Variants in LPA observed in about 807,000 individuals in gnomAD.
The protein encoded by LPA is lipoprotein(a), also known as apolipoprotein(a).
A neutral mutation model predicts 197.9 loss-of-function variants in LPA; 199 were observed. That is an observed-to-expected ratio of 1.01 (90% CI 0.90 to 1.13). The LOEUF (loss-of-function observed/expected upper bound fraction) is 1.13, where lower values mean the gene tolerates loss of function less well. Among genes scored for constraint, LPA ranks in the 50% most tolerant of loss-of-function variants. LPA has a pLI of 0.00. For missense variants in LPA, 1,853 were observed against 1,785.8 expected (o/e 1.04, Z -0.68); for synonymous variants, 715 against 639.5 (o/e 1.12, Z -1.78).
chr6:160,582,872 G>A (rs1004390329), intron 26 of LPA, among the ~76,000 whole-genome samples: 2 of 152,062 alleles, frequency 1.3e-5, no homozygotes, highest in Admixed American at 1.3e-4. Context: ...TTGAGGCTCT[G>A]TTTATCTTCT....
At chr6:160,587,742 G>A (rs1778938153) in intron 24 of LPA, among the ~76,000 whole-genome samples, 1 of 137,810 alleles carries the variant, frequency 7.3e-6, no homozygotes, top group African/African-American at 2.8e-5. Flanking sequence ...TGATTAATAG[G>A]TTCAGTCTTT....
intron 18 of LPA, among the ~76,000 whole-genome samples, chr6:160,601,391 T>C (rs13192132): frequency 0.3 from 45,758 of 152,100 alleles, 7,719 homozygotes; most frequent in East Asian, 0.42. Flanking sequence ...ATCCTCCTTC[T>C]GCCTTCTGCC....
In LPA at chr6:160,580,945, A is replaced by T. The variant is rs192495581; in HGVS notation, c.4290-2241T>A. ...CACATTATCATTTGTTTTCTTTTACAGTTAGTGTTTTCTGGTTCTTCCCTC... is the reference window on the plus strand; with the variant it reads ...CACATTATCATTTGTTTTCTTTTACTGTTAGTGTTTTCTGGTTCTTCCCTC... On this transcript the variant is annotated intron_variant, in intron 26 of 38. Coordinates refer to ENST00000316300, the MANE Select transcript of LPA (RefSeq NM_005577.4). Among the ~76,000 whole-genome samples the T allele has an allele frequency of 7.2e-5, 11 of 152,186 alleles. No individual in the cohort carries two copies. In the East Asian group the frequency reaches 1.9e-3, roughly 27 times the overall value.
intron 27 of LPA, among the ~76,000 whole-genome samples, chr6:160,577,851 G>C (rs1265349525): frequency 6.6e-6 from 1 of 152,186 alleles, no homozygotes; most frequent in Non-Finnish European, 1.5e-5. Flanking sequence ...GAATCTTCTA[G>C]TGCCCAGAGT....
chr6:160,557,679 T>G (rs2115012527), intron 28 of LPA, 108 bp from the exon 29 acceptor site: 1 of 944,822 alleles, frequency 1.1e-6, no homozygotes, highest in South Asian at 1.4e-5. Flanking sequence ...GACGTTGTAA[T>G]ATTCCCATTT....
chr6:160,654,511 G>A (rs969672612), intron 1 of LPA, among the ~76,000 whole-genome samples: 5 of 151,910 alleles, frequency 3.3e-5, no homozygotes, highest in Non-Finnish European at 7.4e-5. Context: ...ACCATCACAA[G>A]TCCAACTCCT....
chr6:160,590,496 G>C (rs1334596761), intron 23 of LPA, among the ~76,000 whole-genome samples: 2 of 152,118 alleles, frequency 1.3e-5, no homozygotes, highest in African/African-American at 4.8e-5. Context: ...ACTAAGTAAA[G>C]TCATATCAGG....
At chr6:160,643,083 A>AGTGTGTGTGT (rs767484310) in intron 4 of LPA, among the ~76,000 whole-genome samples, 83 of 130,890 alleles carry the variant, frequency 6.3e-4, no homozygotes, top group African/African-American at 2.3e-3. Context: ...GTGTGTTTTC[A>AGTGTGTGTGT]GTGTGTGTGT....
intron 1 of LPA, among the ~76,000 whole-genome samples, chr6:160,655,356 C>T (rs1249104368): frequency 6.6e-6 from 1 of 152,214 alleles, no homozygotes; most frequent in Non-Finnish European, 1.5e-5. Flanking sequence ...CCCTATCTGC[C>T]ACTGACACCT....
At chr6:160,660,643 T>C (rs1337173341) in intron 1 of LPA, among the ~76,000 whole-genome samples, 3 of 152,188 alleles carry the variant, frequency 2.0e-5, no homozygotes, top group Non-Finnish European at 4.4e-5. Flanking sequence ...CACTGTCACT[T>C]TGACAGTTGA....
intron 30 of LPA, 91 bp from the exon 31 acceptor site, chr6:160,548,750 A>C (rs1020258065): frequency 7.5e-7 from 1 of 1,337,400 alleles, no homozygotes; most frequent in African/African-American, 1.4e-5. Context: ...ACAAAGTCTT[A>C]ACAAGTGTCT....
At position 160,547,855 on chromosome 6, in the gene LPA, G is replaced by A. The variant is rs1778098241; in HGVS notation, c.5238C>T (p.Ala1746=). The A allele has an allele frequency of 6.2e-7, 1 of 1,614,028 alleles. No homozygotes were observed. Among genetic ancestry groups the A allele is most frequent in the Non-Finnish European group, 8.5e-7 (1 of 1,180,004 alleles). The change falls in exon 32 of 39, where the codon GCC becomes GCT. Residue 1746 remains alanine (A), a synonymous_variant. Transcript: ENST00000316300. The stretch of plus-strand genomic sequence containing the variant: ...ACGTGCTGTGTCTATGGGGCTCCTG[G>A]GCAGCCCATTCCTGGCATGGCGTCC... The part of the protein sequence containing the change: ...VTGTPCQEWA[A]QEPHRHSTFI...
chr6:160,647,548 A>T (rs1156635200), intron 2 of LPA, among the ~76,000 whole-genome samples: 1 of 152,200 alleles, frequency 6.6e-6, no homozygotes, highest in Non-Finnish European at 1.5e-5. Flanking sequence ...AGCTCTTTAA[A>T]GACTTTTTTT....
chr6:160,585,052 G>C lies in LPA; in HGVS notation c.4283C>G (p.Pro1428Arg). Reference protein sequence around the residue: ...HWHRRIPLYYPNAGLTRNYCR... With the variant: ...HWHRRIPLYYRNAGLTRNYCR... ...GCTAACATGATAGACATACGCATTT[G>C]GATAGTATAATGGGATCCTCCGATG... The change falls in exon 26 of 39, where the codon CCA (proline) becomes CGA (arginine). Residue 1428 changes from proline to arginine, a missense_variant. This residue lies in a region of LPA where 1,737 missense variants were observed against 1,504.4 expected (regional missense o/e 1.15). Coordinates refer to ENST00000316300, the MANE Select transcript of LPA (RefSeq NM_005577.4). The C allele has an allele frequency of 1.2e-6, 2 of 1,613,642 alleles. No homozygotes were observed. Among genetic ancestry groups the C allele is most frequent in the African/African-American group, 2.7e-5 (2 of 74,990 alleles).
intron 28 of LPA, among the ~76,000 whole-genome samples, chr6:160,572,398 G>A (rs183177273): frequency 1.7e-4 from 26 of 152,300 alleles, no homozygotes. Context: ...TTTTAGCATT[G>A]AAATGTGAGG....
In LPA at chr6:160,548,655, G is replaced by A. The variant is rs1468692380; in HGVS notation, c.4978C>T (p.Leu1660=). The A allele has an allele frequency of 1.9e-6, 3 of 1,613,880 alleles. No individual in the cohort carries two copies. Among genetic ancestry groups the A allele is most frequent in the Non-Finnish European group, 2.5e-6 (3 of 1,179,972 alleles). The change falls in exon 31 of 39, where the codon CTG becomes TTG. Residue 1660 remains leucine, a synonymous_variant. Coordinates refer to ENST00000316300, the MANE Select transcript of LPA (RefSeq NM_005577.4). ...GGATTCCTGCAGTAGTTCATTGTCAGGCCACTGGAAATTCCAAAGCAATAC... is the reference window on the plus strand; with the variant it reads ...GGATTCCTGCAGTAGTTCATTGTCAAGCCACTGGAAATTCCAAAGCAATAC... The part of the protein sequence containing the change: ...RTPENYPNDG[L]TMNYCRNPDA...
At position 160,531,833 on chromosome 6, in the gene LPA, C is replaced by T. The variant is rs1451907316; in HGVS notation, c.6019G>A (p.Val2007Ile). 1 of 1,614,016 alleles carries T rather than the reference C, an allele frequency of 6.2e-7. No homozygotes were observed. The highest frequency in any genetic ancestry group is 8.5e-7 in the Non-Finnish European group (1 of 1,180,018). Reference protein sequence around the residue: ...FEKDKYILQGVTSWGLGCARP... With the variant: ...FEKDKYILQGITSWGLGCARP... ...GCACAGCCAAGACCCCAAGAAGTGA[C>T]TCCTTGTAAAATGTATTTGTCCTTC... is the stretch of plus-strand genomic sequence containing the variant. Residue 2007 changes from valine (V) to isoleucine (I), a missense_variant, in exon 39 of 39, where the codon GTC becomes ATC. Val to Ile is a conservative substitution (Grantham distance 29). Transcript: ENST00000316300.
At chr6:160,576,811 GA>G (rs1778693218) in intron 28 of LPA, among the ~76,000 whole-genome samples, 1 of 150,482 alleles carries the variant, frequency 6.6e-6, no homozygotes, top group Admixed American at 6.7e-5. Flanking sequence ...AGAATTGCAC[GA>G]GTGAAAGATG....
At chr6:160,568,585 G>T (rs1478073845) in intron 28 of LPA, among the ~76,000 whole-genome samples, 2 of 152,180 alleles carry the variant, frequency 1.3e-5, no homozygotes, top group Admixed American at 1.3e-4. Context: ...ACAAGACAGG[G>T]ATGCCCTCTC....
Sources: gnomAD v4.1 joint callset for allele counts (sites outside exome capture counted in the v4.1 genomes callset) on GRCh38, gnomAD v4.1.1 for gene constraint, gnomAD v4.1.1 regional missense constraint, MANE v1.5 for transcripts, NCBI Gene and HGNC (gene_info 2026-07-23, HGNC 2026-07-21) for gene names.